Variants in PVALB observed in about 807,000 individuals in gnomAD.
The protein encoded by PVALB is parvalbumin alpha.
A neutral mutation model predicts 10.9 loss-of-function variants in PVALB; 11 were observed. The ratio of observed to expected loss-of-function variants is 1.01; its 90% CI spans 0.63 to 1.67. The LOEUF (loss-of-function observed/expected upper bound fraction) is 1.67. PVALB is among the 40% of genes most tolerant of loss of function. PVALB has a pLI of 0.00. For synonymous variants in PVALB, 57 were observed against 50.7 expected, an observed-to-expected ratio of 1.12 and a Z score of -0.53; for missense variants, 131 against 136.2, an observed-to-expected ratio of 0.96 and a Z score of 0.19.
chr22:36,807,879 A>G (rs1272251192), intron 3 of PVALB, among the ~76,000 whole-genome samples: 1 of 152,234 alleles, frequency 6.6e-6, no homozygotes, highest in Non-Finnish European at 1.5e-5. Context: ...GGAAGCAGAA[A>G]AGGCAAATTC....
chr22:36,814,359 C>G (rs1939099851), intron 2 of PVALB, among the ~76,000 whole-genome samples: 1 of 151,862 alleles, frequency 6.6e-6, no homozygotes, highest in Non-Finnish European at 1.5e-5. Context: ...AGATTCTAGA[C>G]AGAAGGTACC....
In PVALB at chr22:36,804,858, C is replaced by T. The variant is rs142292028; in HGVS notation, c.305-3940G>A. Among the ~76,000 whole-genome samples the T allele has an allele frequency of 4.6e-5, 7 of 152,220 alleles. No individual in the cohort carries two copies. The East Asian group carries it at 9.7e-4, about 21-fold the overall frequency. ...CTGAGGCAGGAGACTAGCTTGAACC[C>T]GGGAGGTGGAGATTGCAGTGAGCTA... is the stretch of plus-strand genomic sequence containing the variant. On this transcript the variant is annotated intron_variant, in intron 3 of 3. Coordinates refer to ENST00000417718, the MANE Select transcript of PVALB (RefSeq NM_001315532.2).
At chr22:36,815,618 AG>A (rs1007444847) in intron 1 of PVALB, among the ~76,000 whole-genome samples, 4 of 152,088 alleles carry the variant, frequency 2.6e-5, no homozygotes, top group African/African-American at 9.7e-5. Context: ...GGGGAATTGA[AG>A]GGGGCATGAA....
chr22:36,802,462 G>T (rs1029449818), intron 3 of PVALB, among the ~76,000 whole-genome samples: 1 of 151,888 alleles, frequency 6.6e-6, no homozygotes, highest in Admixed American at 6.6e-5. Context: ...TTAGCTGGAC[G>T]TGGTGGCGCA....
chr22:36,808,531 A>G (rs1017587141), intron 3 of PVALB, among the ~76,000 whole-genome samples: 48 of 152,086 alleles, frequency 3.2e-4, no homozygotes, highest in Non-Finnish European at 1.0e-4. Flanking sequence ...GACGGCATCT[A>G]CTTCCTAGGA....
chr22:36,814,117 G>A (rs1939092386), intron 2 of PVALB, among the ~76,000 whole-genome samples: 1 of 152,180 alleles, frequency 6.6e-6, no homozygotes, highest in South Asian at 2.1e-4. Context: ...AAAATAAGGA[G>A]GTCACGGGCT....
At chr22:36,800,958 G>C in intron 3 of PVALB, 40 bp from the exon 4 acceptor site, 1 of 1,585,868 alleles carries the variant, frequency 6.3e-7, no homozygotes, top group Non-Finnish European at 8.7e-7. Flanking sequence ...TCAGAGGCGG[G>C]GATGCAAGAG....
intron 3 of PVALB, among the ~76,000 whole-genome samples, chr22:36,805,274 T>G (rs1938931838): frequency 6.6e-6 from 1 of 152,172 alleles, no homozygotes; most frequent in Non-Finnish European, 1.5e-5. Flanking sequence ...ATGGAGCTCA[T>G]GATAGTGCCC....
At chr22:36,815,409 G>A in intron 1 of PVALB, 174 bp from the exon 2 acceptor site, 2 of 839,490 alleles carry the variant, frequency 2.4e-6, no homozygotes, top group East Asian at 5.4e-5. Context: ...AGGATAACCT[G>A]TCCAAGGTCA....
intron 1 of PVALB, 55 bp from the exon 2 acceptor site, chr22:36,815,290 T>G (rs2145954622): frequency 1.2e-6 from 2 of 1,604,548 alleles, no homozygotes; most frequent in South Asian, 2.2e-5. Context: ...TAGGGAAGCC[T>G]GGGAGAATGG....
rs1002603666 is a variant in PVALB at position 36,800,704 on chromosome 22, G to T, written c.*186C>A. The T allele has an allele frequency of 2.3e-5, 16 of 690,684 alleles. No homozygotes were observed. The Admixed American group carries it at 3.4e-4, about 15-fold the overall frequency. 42.8% of individuals were successfully genotyped at this position (690,684 alleles called of 1,614,324 possible). A position where few individuals can be genotyped will look rare whatever the true frequency, so the allele number is the denominator to read the frequency against. On this transcript the variant is annotated 3_prime_UTR_variant, in exon 4 of 4. Coordinates refer to ENST00000417718, the MANE Select transcript of PVALB (RefSeq NM_001315532.2). The stretch of plus-strand genomic sequence containing the variant: ...GGGTCTTCCTGAGCAAGCAGAGTCT[G>T]ACTGGTACAACCTTTATTGCTTCTC...
chr22:36,816,752 C>T (rs1029970597), intron 1 of PVALB, among the ~76,000 whole-genome samples, 193 bp downstream of exon 1: 2 of 152,210 alleles, frequency 1.3e-5, no homozygotes, highest in Non-Finnish European at 2.9e-5. Context: ...CCGCCCGCTC[C>T]CCGCGCCAAG....
intron 3 of PVALB, among the ~76,000 whole-genome samples, chr22:36,804,823 A>G (rs930137154): frequency 3.2e-4 from 48 of 152,244 alleles, no homozygotes; most frequent in African/African-American, 1.0e-3. Flanking sequence ...AATCCCAGGT[A>G]CTCAGTAGGC....
At chr22:36,814,268 AGT>A (rs36215449) in intron 2 of PVALB, among the ~76,000 whole-genome samples, 2,037 of 148,110 alleles carry the variant, frequency 0.014, 22 homozygotes, top group South Asian at 0.046. Flanking sequence ...AGCCTCTGTG[AGT>A]GTGTGTGTGT....
At chr22:36,811,444 C>T in intron 3 of PVALB, 1 of 470,370 alleles carries the variant, frequency 2.1e-6, no homozygotes. Context: ...CAGGGGCACC[C>T]AGTCAGGAAA....
chr22:36,813,869 C>T (rs1443771393), intron 2 of PVALB, 114 bp from the exon 3 acceptor site: 6 of 800,730 alleles, frequency 7.5e-6, no homozygotes, highest in African/African-American at 3.4e-5. Context: ...CTGGGACAGG[C>T]AGCGAGCAGC....
At chr22:36,807,156 C>T (rs967100146) in intron 3 of PVALB, among the ~76,000 whole-genome samples, 12 of 152,188 alleles carry the variant, frequency 7.9e-5, no homozygotes, top group East Asian at 7.7e-4. Flanking sequence ...ATAACTAAAA[C>T]GTCTCAGCTC....
chr22:36,801,808 CA>C (rs796701112), intron 3 of PVALB, among the ~76,000 whole-genome samples: 1 of 150,204 alleles, frequency 6.7e-6, no homozygotes, highest in Non-Finnish European at 1.5e-5. Context: ...TCAAAACAAA[CA>C]AAAAAAAGAA....
chr22:36,806,689 G>A (rs1386474470), intron 3 of PVALB, among the ~76,000 whole-genome samples: 1 of 152,164 alleles, frequency 6.6e-6, no homozygotes, highest in South Asian at 2.1e-4. Context: ...GAGTCACTCC[G>A]GGTCAAGCCA....
Sources: allele counts gnomAD v4.1 joint callset (sites outside exome capture counted in the v4.1 genomes callset), GRCh38; gene constraint gnomAD v4.1.1; transcripts MANE v1.5; gene names NCBI Gene and HGNC (gene_info 2026-07-23, HGNC 2026-07-21).